FAM193A: variants seen among roughly 807,000 people sequenced by gnomAD.
The protein encoded by FAM193A is family with sequence similarity 193 member A, also known as protein FAM193A.
FAM193A carries 22 observed loss-of-function variants against 126.5 expected under a neutral mutation model. The observed-to-expected ratio is 0.17, with a 90% CI of 0.12 to 0.25. The LOEUF (loss-of-function observed/expected upper bound fraction) is 0.25. Ranked by LOEUF, FAM193A falls within the 10% of genes least tolerant of loss-of-function variation. The pLI is 1.00. For synonymous variants in FAM193A, 761 were observed against 646.8 expected, an observed-to-expected ratio of 1.18 and a Z score of -2.68; for missense variants, 1,675 against 1,672.8, an observed-to-expected ratio of 1.00 and a Z score of -0.02.
At chr4:2,664,397 A>G (rs957031375) in intron 12 of FAM193A, among the ~76,000 whole-genome samples, 1 of 152,158 alleles carries the variant, frequency 6.6e-6, no homozygotes, top group Non-Finnish European at 1.5e-5. Context: ...TGGACTGTAA[A>G]TGTAAGAGTT....
chr4:2,660,910 A>T (rs1230549866), intron 10 of FAM193A, among the ~76,000 whole-genome samples: 9 of 152,256 alleles, frequency 5.9e-5, no homozygotes. Context: ...CAAAGATTGC[A>T]GGCTGCTGTT....
chr4:2,656,842 A>G (rs1711746061), intron 7 of FAM193A, among the ~76,000 whole-genome samples: 1 of 152,254 alleles, frequency 6.6e-6, no homozygotes, highest in Non-Finnish European at 1.5e-5. Context: ...GTATCAACTT[A>G]TAAAGAGACT....
Position 2,562,826 on chromosome 4 carries a change from C to T in FAM193A, c.255+25656C>T, listed in dbSNP as rs578103210. On this transcript the variant is annotated intron_variant, in intron 1 of 20. Coordinates refer to ENST00000637812, the MANE Select transcript of FAM193A (RefSeq NM_001366318.2). ...TGTATTTTTAGTAGAGACAGGGTTT[C>T]ACCTTGTTGGCCAGGATGGTCTGGA... is the stretch of plus-strand genomic sequence containing the variant. Among the ~76,000 whole-genome samples, 771 of 151,798 alleles carry T rather than the reference C, an allele frequency of 5.1e-3. 4 individuals carry two copies. Among genetic ancestry groups the T allele is most frequent in the African/African-American group, 0.018 (733 of 41,396 alleles).
intron 2 of FAM193A, among the ~76,000 whole-genome samples, chr4:2,610,331 C>T (rs73791842): frequency 0.067 from 10,234 of 152,210 alleles, 583 homozygotes; most frequent in African/African-American, 0.15. Flanking sequence ...GCATATAGTC[C>T]CAACTTAAAC....
chr4:2,646,782 G>C lies in FAM193A; in HGVS notation c.1261G>C (p.Glu421Gln). 1 of 1,614,032 alleles carries C rather than the reference G, an allele frequency of 6.2e-7. No homozygotes were observed. Among genetic ancestry groups the C allele is most frequent in the Non-Finnish European group, 8.5e-7 (1 of 1,179,950 alleles). The change falls in exon 7 of 21, where the codon GAG (glutamate) becomes CAG (glutamine). Residue 421 changes from glutamate (E) to glutamine (Q), a missense_variant. Transcript: ENST00000637812. ...CGAGGAGGAGCTGCGCAGAGTCGCCGAGGAGTGGCTGGAGTGCCAGAAGAG... is the reference window on the plus strand; with the variant it reads ...CGAGGAGGAGCTGCGCAGAGTCGCCCAGGAGTGGCTGGAGTGCCAGAAGAG... ...RSEEELRRVAEEWLECQKRID... is the reference protein window; with the variant it reads ...RSEEELRRVAQEWLECQKRID...
chr4:2,693,549 A>G, intron 15 of FAM193A, 37 bp from the exon 16 acceptor site: 1 of 1,574,426 alleles, frequency 6.4e-7, no homozygotes, highest in East Asian at 2.3e-5. Flanking sequence ...CATTTTTGAA[A>G]CAAACTTGGC....
chr4:2,546,041 G>A (rs1030504481), intron 1 of FAM193A, among the ~76,000 whole-genome samples: 7 of 152,010 alleles, frequency 4.6e-5, no homozygotes, highest in African/African-American at 1.4e-4. Context: ...ATAGCTACTC[G>A]GGAGGCTGAG....
At position 2,719,954 on chromosome 4, in the gene FAM193A, T is replaced by TG. The variant is rs745507897; in HGVS notation, c.4454+3850_4454+3851insG. ...TACAGGCACATGCACCATGCCTGGC[T>TG]AATTTTTTTTTTCTTCTTTTTGTAG... On this transcript the variant is annotated intron_variant, in intron 20 of 20. Transcript: ENST00000637812. The TG allele has an allele frequency of 1.6e-3, 508 of 310,328 alleles. 2 individuals are homozygous for TG. The highest frequency in any genetic ancestry group is 9.8e-3 in the African/African-American group (430 of 43,814). 19.2% of individuals were successfully genotyped at this position (310,328 alleles called of 1,614,324 possible).
At chr4:2,565,129 G>T (rs114461150) in intron 1 of FAM193A, among the ~76,000 whole-genome samples, 5 of 149,810 alleles carry the variant, frequency 3.3e-5, no homozygotes, top group African/African-American at 1.2e-4. Context: ...GTGTTAGCCT[G>T]TTTTTTTTTG....
rs748580615 is a variant in FAM193A, at chr4:2,695,007, G to A, written c.3154G>A (p.Gly1052Arg). The A allele has an allele frequency of 1.9e-6, 3 of 1,609,702 alleles. No homozygotes were observed. In the South Asian group the frequency reaches 3.3e-5, roughly 18 times the overall value. The change falls in exon 17 of 21, where the codon GGG (glycine) becomes AGG (arginine). Residue 1052 changes from glycine to arginine, a missense_variant. Coordinates refer to ENST00000637812, the MANE Select transcript of FAM193A (RefSeq NM_001366318.2). ...NGVYDPQQDD[G>R]DESADEDSCS... is the part of the protein sequence containing the mutation. ...TGTCTACGACCCACAGCAGGATGAT[G>A]GGGACGAGAGTGCAGATGAGGACAG... is the stretch of plus-strand genomic sequence containing the variant.
chr4:2,677,583 T>C (rs1714561356), intron 13 of FAM193A, among the ~76,000 whole-genome samples: 1 of 151,768 alleles, frequency 6.6e-6, no homozygotes, highest in Non-Finnish European at 1.5e-5. Context: ...CTACTAAAAA[T>C]ACAAAAAATT....
At chr4:2,611,087 T>C (rs1234799464) in intron 2 of FAM193A, among the ~76,000 whole-genome samples, 5 of 152,058 alleles carry the variant, frequency 3.3e-5, no homozygotes, top group Non-Finnish European at 5.9e-5. Context: ...GATAAACACC[T>C]GGGAGTGGAA....
At chr4:2,702,345 T>C (rs1717826993) in intron 19 of FAM193A, among the ~76,000 whole-genome samples, 1 of 152,234 alleles carries the variant, frequency 6.6e-6, no homozygotes, top group East Asian at 1.9e-4. Context: ...AAGCATTTTA[T>C]ACTTTGTGTC....
intron 7 of FAM193A, among the ~76,000 whole-genome samples, chr4:2,653,022 AC>A (rs559997470): frequency 2.7e-3 from 417 of 152,316 alleles, no homozygotes; most frequent in African/African-American, 7.8e-3. Context: ...GCGGTGTCCT[AC>A]GTAGCATAAC....
intron 1 of FAM193A, among the ~76,000 whole-genome samples, chr4:2,577,564 G>A (rs753823346): frequency 5.9e-5 from 9 of 151,672 alleles, no homozygotes; most frequent in Non-Finnish European, 1.3e-4. Context: ...AATTACAGGC[G>A]CCCGCCACCA....
chr4:2,704,611 G>GT (rs1305891763), intron 19 of FAM193A, among the ~76,000 whole-genome samples: 3 of 152,072 alleles, frequency 2.0e-5, no homozygotes, highest in African/African-American at 7.2e-5. Flanking sequence ...TGCTTTCATA[G>GT]TTTTTTTGCT....
intron 2 of FAM193A, among the ~76,000 whole-genome samples, chr4:2,604,926 T>C (rs538355399): frequency 4.6e-5 from 7 of 150,896 alleles, no homozygotes; most frequent in Admixed American, 2.7e-4. Context: ...GCCTCCTGAG[T>C]AGCTGGGATT....
intron 13 of FAM193A, among the ~76,000 whole-genome samples, chr4:2,678,509 T>C (rs1714707896): frequency 6.6e-6 from 1 of 152,070 alleles, no homozygotes; most frequent in South Asian, 2.1e-4. Flanking sequence ...ATTACAGGCA[T>C]GCGCCTCCAT....
In FAM193A at chr4:2,699,768, A is replaced by T; in HGVS notation, c.3596A>T (p.Glu1199Val). ...GAGCAGAGGCGGCGGGAGGAGGAGG[A>T]GGATGAGGAAGAAGAGGAGGATCGT... ...QEEQRRREEE[E>V]DEEEEEDRFK... The change falls in exon 19 of 21, where the codon GAG (glutamate) becomes GTG (valine). Residue 1199 changes from glutamate to valine, a missense_variant. By Grantham distance (121) the Glu-to-Val change is moderately radical. This residue lies in a region of FAM193A where 415 missense variants were observed against 396.7 expected (regional missense o/e 1.05). Transcript: ENST00000637812. The T allele has an allele frequency of 6.2e-7, 1 of 1,613,822 alleles. No individual in the cohort carries two copies. Among genetic ancestry groups the T allele is most frequent in the Non-Finnish European group, 8.5e-7 (1 of 1,179,916 alleles).
Sources: allele counts gnomAD v4.1 joint callset (sites outside exome capture counted in the v4.1 genomes callset), GRCh38; gene constraint gnomAD v4.1.1; regional missense constraint gnomAD v4.1.1; transcripts MANE v1.5; gene names NCBI Gene and HGNC (gene_info 2026-07-23, HGNC 2026-07-21).